Variants in PCDHGA3 observed in about 807,000 individuals in gnomAD.
PCDHGA3 encodes the protein protocadherin gamma subfamily A, 3.
A neutral mutation model predicts 58.5 loss-of-function variants in PCDHGA3; 40 were observed. That is an observed-to-expected ratio of 0.68 (90% CI 0.53 to 0.89). PCDHGA3 has a LOEUF of 0.89. Among genes scored for constraint, PCDHGA3 ranks in the 40% least tolerant of loss-of-function variants. The pLI, the probability that PCDHGA3 is intolerant of heterozygous loss-of-function variation, is 0.00. For missense variants in PCDHGA3, 1,223 were observed against 1,195.9 expected, an observed-to-expected ratio of 1.02 and a Z score of -0.33; for synonymous variants, 530 against 525.7, an observed-to-expected ratio of 1.01 and a Z score of -0.11.
At chr5:141,395,500 TAAG>T (rs1227202502) in intron 1 of PCDHGA3, 3 of 471,360 alleles carry the variant, frequency 6.4e-6, no homozygotes, top group Non-Finnish European at 1.1e-5. Flanking sequence ...CTCATTCACT[TAAG>T]AAGTAGCTAC....
At position 141,410,457 on chromosome 5, in the gene PCDHGA3, A is replaced by G. The variant is rs372920524; in HGVS notation, c.2424+64000A>G. 1.2e-6 allele frequency: 2 copies of G among 1,614,044 alleles called. No homozygotes were observed. ...AGTGAGGGGACTTTGCCTTATTCTTATAATCTGTGCATTGCACATACGGGT... is the reference window on the plus strand; with the variant it reads ...AGTGAGGGGACTTTGCCTTATTCTTGTAATCTGTGCATTGCACATACGGGT... On this transcript the variant is annotated intron_variant, in intron 1 of 3. Transcript: ENST00000253812.
rs769351399 is a variant in PCDHGA3, at chr5:141,432,649, A to G, written c.2425-62158A>G. The G allele has an allele frequency of 6.2e-7, 1 of 1,613,742 alleles. No homozygotes were observed. The highest frequency in any genetic ancestry group is 1.1e-5 in the South Asian group (1 of 91,054). ...ACACGGGCGAGGTGCGCACGGCGCG[A>G]GCCCTGCTGGACAGAGACGCGCTCA... is the stretch of plus-strand genomic sequence containing the variant. On this transcript the variant is annotated intron_variant, in intron 1 of 3. Coordinates refer to ENST00000253812, the MANE Select transcript of PCDHGA3 (RefSeq NM_018916.4). The surrounding 1 kb of genome is among the most constrained non-coding windows in gnomAD (Gnocchi z 6.0).
In PCDHGA3 at chr5:141,477,825, C is replaced by A; in HGVS notation, c.2425-16982C>A. The A allele has an allele frequency of 2.5e-6, 4 of 1,614,174 alleles. No individual in the cohort carries two copies. The South Asian group carries it at 4.4e-5, about 18-fold the overall frequency. On this transcript the variant is annotated intron_variant, in intron 1 of 3. Transcript: ENST00000253812. This position sits in a 1 kb window ranked among gnomAD's most constrained non-coding sequence, Gnocchi z 4.9. ...GACAATGCCCCCCAGGTCCTATATC[C>A]TCGGCCAGGTGGGAGCTCGGTGGAG...
intron 1 of PCDHGA3, chr5:141,419,427 A>C: frequency 1.2e-6 from 2 of 1,613,290 alleles, no homozygotes; most frequent in Non-Finnish European, 1.7e-6. Context: ...TTCGACCACG[A>C]GCAGCTGCGC....
intron 1 of PCDHGA3, chr5:141,350,910 C>T (rs759995473): frequency 1.9e-6 from 3 of 1,613,954 alleles, no homozygotes; most frequent in Admixed American, 1.7e-5. Flanking sequence ...GGCGGGGACC[C>T]GCCTCTAAGC....
At position 141,486,484 on chromosome 5, in the gene PCDHGA3, C is replaced by G. The variant is rs200150307; in HGVS notation, c.2425-8323C>G. ...ATGCTGGGAACCCTCCTCTCAGTAC[C>G]CACAGAACTATTTTCCTCAATATTT... On this transcript the variant is annotated intron_variant, in intron 1 of 3. Transcript: ENST00000253812. The surrounding 1 kb of genome is among the most constrained non-coding windows in gnomAD (Gnocchi z 5.0). The G allele has an allele frequency of 2.8e-5, 45 of 1,614,102 alleles. No homozygotes were observed. In the Admixed American group the frequency reaches 5.5e-4, roughly 20 times the overall value.
At chr5:141,353,250 A>G (rs978848426) in intron 1 of PCDHGA3, among the ~76,000 whole-genome samples, 7 of 152,188 alleles carry the variant, frequency 4.6e-5, no homozygotes, top group Non-Finnish European at 8.8e-5. Context: ...GCCTTTTCTT[A>G]GTTGATATGC....
chr5:141,375,133 A>C, intron 1 of PCDHGA3: 1 of 1,613,958 alleles, frequency 6.2e-7, no homozygotes, highest in South Asian at 1.1e-5. Context: ...TGGTTGTTAC[A>C]TCTGGAAGCA....
At position 141,490,124 on chromosome 5, in the gene PCDHGA3, T is replaced by C. The variant is rs1216088470; in HGVS notation, c.2425-4683T>C. On this transcript the variant is annotated intron_variant, in intron 1 of 3. Transcript: ENST00000253812. The surrounding 1 kb of genome is among the most constrained non-coding windows in gnomAD (Gnocchi z 5.4). ...GAGGCAGTGCGGAACCTCTTTGGCCTAGACCCTAGCAGTGGGGCAATCCAT... is the reference window on the plus strand; with the variant it reads ...GAGGCAGTGCGGAACCTCTTTGGCCCAGACCCTAGCAGTGGGGCAATCCAT... 6.2e-7 allele frequency: 1 copy of C among 1,614,144 alleles called. No individual in the cohort carries two copies. Among genetic ancestry groups the C allele is most frequent in the Non-Finnish European group, 8.5e-7 (1 of 1,180,054 alleles).
chr5:141,409,000 C>A, intron 1 of PCDHGA3: 4 of 1,613,950 alleles, frequency 2.5e-6, no homozygotes, highest in Non-Finnish European at 3.4e-6. Flanking sequence ...AAGTGACAGC[C>A]ACTGACCAGG....
chr5:141,399,059 A>T (rs769553635), intron 1 of PCDHGA3: 8 of 1,613,882 alleles, frequency 5.0e-6, no homozygotes, highest in Non-Finnish European at 6.8e-6. Context: ...ACCAAGGAAT[A>T]TTCAATGGTT....
rs374229757 is a variant in PCDHGA3, at chr5:141,491,437, C to T, written c.2425-3370C>T. 4 of 1,613,978 alleles carry T rather than the reference C, an allele frequency of 2.5e-6. No homozygotes were observed. Among genetic ancestry groups the T allele is most frequent in the Admixed American group, 3.3e-5 (2 of 60,004 alleles). ...CGGGGGTGGAGGGCAGTGCTGCAGG[C>T]GCCAGGACTCACCCTCCCCGGACTT... On this transcript the variant is annotated intron_variant, in intron 1 of 3. Coordinates refer to ENST00000253812, the MANE Select transcript of PCDHGA3 (RefSeq NM_018916.4). This position sits in a 1 kb window ranked among gnomAD's most constrained non-coding sequence, Gnocchi z 6.9.
At chr5:141,435,877 G>A (rs1554127514) in intron 1 of PCDHGA3, among the ~76,000 whole-genome samples, 1 of 152,092 alleles carries the variant, frequency 6.6e-6, no homozygotes, top group Non-Finnish European at 1.5e-5. Flanking sequence ...AAAAGAGATT[G>A]GAAACCCCTT....
intron 1 of PCDHGA3, chr5:141,423,640 T>C: frequency 6.3e-7 from 1 of 1,597,848 alleles, no homozygotes; most frequent in Non-Finnish European, 8.5e-7. Flanking sequence ...TTTAGGCAAA[T>C]GTGACCCGAC....
At position 141,494,730 on chromosome 5, in the gene PCDHGA3, G is replaced by A. The variant is rs1595262506; in HGVS notation, c.2425-77G>A. 18 of 1,609,816 alleles carry A rather than the reference G, an allele frequency of 1.1e-5. No individual in the cohort carries two copies. In the East Asian group the frequency reaches 4.0e-4, roughly 36 times the overall value. On this transcript the variant is annotated intron_variant, in intron 1 of 3. Coordinates refer to ENST00000253812, the MANE Select transcript of PCDHGA3 (RefSeq NM_018916.4). ...GTGCCCACTCCCCTCCTTCTCTCCC[G>A]GCCCATCCCTAGGGGCTCGGGTGAC...
intron 1 of PCDHGA3, chr5:141,361,499 C>G: frequency 6.2e-7 from 1 of 1,614,066 alleles, no homozygotes; most frequent in Non-Finnish European, 8.5e-7. Flanking sequence ...TTCCAACAGA[C>G]TTCCTACATG....
chr5:141,419,243 C>T (rs959206942), intron 1 of PCDHGA3: 2 of 1,613,998 alleles, frequency 1.2e-6, no homozygotes, highest in East Asian at 4.5e-5. Flanking sequence ...GGTCCACGTG[C>T]CAGAAAACAA....
chr5:141,410,645 A>G (rs755117096), intron 1 of PCDHGA3: 11 of 1,597,402 alleles, frequency 6.9e-6, no homozygotes, highest in Non-Finnish European at 9.3e-6. Flanking sequence ...TTTGTGTGTG[A>G]TTTATCTAAT....
intron 1 of PCDHGA3, chr5:141,357,443 C>A (rs1161118434): frequency 1.9e-6 from 3 of 1,614,104 alleles, no homozygotes; most frequent in Non-Finnish European, 2.5e-6. Flanking sequence ...GGGGTTCGGG[C>A]TTTCCTGCAG....
Sources: gnomAD v4.1 joint callset for allele counts (sites outside exome capture counted in the v4.1 genomes callset) on GRCh38, gnomAD v4.1.1 for gene constraint, Gnocchi (gnomAD v3.1) non-coding constraint, MANE v1.5 for transcripts, NCBI Gene and HGNC (gene_info 2026-07-23, HGNC 2026-07-21) for gene names.